NAALADL2: variants seen among roughly 807,000 people sequenced by gnomAD.
NAALADL2 encodes inactive N-acetylated-alpha-linked acidic dipeptidase-like protein 2.
NAALADL2 carries 76 observed loss-of-function variants against 87.2 expected under a neutral mutation model. The ratio of observed to expected loss-of-function variants is 0.87; its 90% CI spans 0.72 to 1.05. The LOEUF is 1.05. NAALADL2 is among the 50% of genes least tolerant of loss of function. NAALADL2 has a pLI of 0.00. For synonymous variants in NAALADL2, 354 were observed against 331.0 expected, an observed-to-expected ratio of 1.07 and a Z score of -0.75; for missense variants, 1,089 against 945.8, an observed-to-expected ratio of 1.15 and a Z score of -1.99.
chr3:174,671,159 T>C (rs1472732612), intron 2 of NAALADL2, among the ~76,000 whole-genome samples: 1 of 152,108 alleles, frequency 6.6e-6, no homozygotes, highest in East Asian at 1.9e-4. Flanking sequence ...CTTTATAAAT[T>C]ACCCAGTCTC....
At chr3:175,294,830 T>C (rs939477796) in intron 4 of NAALADL2, among the ~76,000 whole-genome samples, 2 of 152,120 alleles carry the variant, frequency 1.3e-5, no homozygotes, top group Non-Finnish European at 2.9e-5. Flanking sequence ...GAAAAATTAT[T>C]CGGGAGAGTT....
chr3:175,609,875 T>C (rs1164321395), intron 10 of NAALADL2, among the ~76,000 whole-genome samples: 1 of 152,130 alleles, frequency 6.6e-6, no homozygotes, highest in South Asian at 2.1e-4. Context: ...AGTGGCACTA[T>C]GGTGACTAGA....
At chr3:175,009,078 CT>C (rs1193572520) in intron 1 of NAALADL2, among the ~76,000 whole-genome samples, 2 of 152,118 alleles carry the variant, frequency 1.3e-5, no homozygotes, top group African/African-American at 4.8e-5. Flanking sequence ...TAGTTTTAAA[CT>C]TTGGCTGTTT....
At chr3:174,664,675 A>G (rs775484919) in intron 2 of NAALADL2, among the ~76,000 whole-genome samples, 3 of 151,912 alleles carry the variant, frequency 2.0e-5, no homozygotes, top group Non-Finnish European at 4.4e-5. Context: ...TAATGGTCTG[A>G]ACATTTAGTT....
At chr3:174,672,949 C>T (rs908014431) in intron 2 of NAALADL2, among the ~76,000 whole-genome samples, 1 of 151,596 alleles carries the variant, frequency 6.6e-6, no homozygotes, top group African/African-American at 2.4e-5. Flanking sequence ...GGGAAACTGT[C>T]GTGGGGTTGT....
At chr3:175,428,453 G>A (rs1717192998) in intron 5 of NAALADL2, among the ~76,000 whole-genome samples, 1 of 152,028 alleles carries the variant, frequency 6.6e-6, no homozygotes, top group Non-Finnish European at 1.5e-5. Flanking sequence ...CATTTTTTCA[G>A]CTTAGGTGAG....
At chr3:175,730,383 A>C (rs2150060697) in intron 11 of NAALADL2, among the ~76,000 whole-genome samples, 1 of 119,766 alleles carries the variant, frequency 8.3e-6, no homozygotes, top group South Asian at 2.9e-4. Flanking sequence ...TATTTTCAGA[A>C]AACTTAATAC....
At chr3:174,982,876 C>A (rs1478694228) in intron 1 of NAALADL2, among the ~76,000 whole-genome samples, 1 of 152,076 alleles carries the variant, frequency 6.6e-6, no homozygotes, top group Non-Finnish European at 1.5e-5. Context: ...CCGCTCACTG[C>A]AAGCTCCGCC....
intron 3 of NAALADL2, among the ~76,000 whole-genome samples, chr3:174,829,055 T>C (rs1449568621): frequency 1.3e-5 from 2 of 152,224 alleles, no homozygotes; most frequent in African/African-American, 2.4e-5. Flanking sequence ...TGAACTATTA[T>C]CTCAATCATA....
At chr3:175,263,491 A>G (rs1237032432) in intron 4 of NAALADL2, among the ~76,000 whole-genome samples, 2 of 151,930 alleles carry the variant, frequency 1.3e-5, no homozygotes, top group Non-Finnish European at 2.9e-5. Context: ...TGTTTTGCCT[A>G]CATGAAAATA....
chr3:175,342,183 CTT>C (rs1015296064), intron 5 of NAALADL2, among the ~76,000 whole-genome samples: 8 of 151,898 alleles, frequency 5.3e-5, no homozygotes, highest in African/African-American at 1.9e-4. Flanking sequence ...TTTTAAAAGT[CTT>C]TGATGAAATG....
At position 174,831,492 on chromosome 3, in the gene NAALADL2, C is replaced by G. The variant is rs1326144785; in HGVS notation, c.-9+93746C>G. Among the ~76,000 whole-genome samples the G allele has an allele frequency of 3.5e-5, 5 of 142,730 alleles. No individual in the cohort carries two copies. In the East Asian group the frequency reaches 9.9e-4, roughly 28 times the overall value. 93.6% of individuals were successfully genotyped at this position (142,730 alleles called of 152,430 possible). A position where few individuals can be genotyped will look rare whatever the true frequency, so the allele number is the denominator to read the frequency against. Reference sequence around the variant, plus strand: ...CATGGTGGATAAGCTTTTTGATGTGCTGCTGGATTCGTTTTGCCAGTATTT... The same window carrying G: ...CATGGTGGATAAGCTTTTTGATGTGGTGCTGGATTCGTTTTGCCAGTATTT... On this transcript the variant is annotated intron_variant, in intron 3 of 3. Transcript: ENST00000434257.
intron 11 of NAALADL2, among the ~76,000 whole-genome samples, chr3:175,706,538 C>G (rs1461421666): frequency 6.6e-6 from 1 of 152,082 alleles, no homozygotes; most frequent in African/African-American, 2.4e-5. Flanking sequence ...CACAGTTAAC[C>G]ATGAGTAACA....
intron 1 of NAALADL2, among the ~76,000 whole-genome samples, chr3:174,936,016 G>A (rs540677507): frequency 4.6e-5 from 7 of 152,192 alleles, no homozygotes; most frequent in Middle Eastern, 6.8e-3. Flanking sequence ...TAGAGAAGCC[G>A]ATGTTGCATG....
intron 1 of NAALADL2, among the ~76,000 whole-genome samples, chr3:175,026,891 A>G (rs1325690055): frequency 6.6e-6 from 1 of 152,102 alleles, no homozygotes; most frequent in Non-Finnish European, 1.5e-5. Flanking sequence ...TGAAACCTTA[A>G]CTGCATACCG....
At chr3:174,673,657 G>T (rs557058857) in intron 2 of NAALADL2, among the ~76,000 whole-genome samples, 2 of 133,866 alleles carry the variant, frequency 1.5e-5, no homozygotes, top group Admixed American at 7.7e-5. Flanking sequence ...GTGTGTTCGG[G>T]GGGTGAGAGG....
At chr3:174,698,055 C>T (rs991919346) in intron 2 of NAALADL2, among the ~76,000 whole-genome samples, 19 of 152,144 alleles carry the variant, frequency 1.2e-4, no homozygotes, top group Non-Finnish European at 2.1e-4. Flanking sequence ...CCTGCCACTG[C>T]ACTCCAGCCT....
chr3:174,661,966 G>T (rs1181731351), intron 2 of NAALADL2, among the ~76,000 whole-genome samples: 1 of 152,102 alleles, frequency 6.6e-6, no homozygotes, highest in Non-Finnish European at 1.5e-5. Context: ...TTTCATGATG[G>T]TATTTGCACT....
intron 2 of NAALADL2, among the ~76,000 whole-genome samples, chr3:174,666,521 A>G (rs1362066063): frequency 6.6e-6 from 1 of 152,164 alleles, no homozygotes. Context: ...TTCGATTATC[A>G]CTACATAATT....
Sources: gnomAD v4.1 joint callset for allele counts (sites outside exome capture counted in the v4.1 genomes callset) on GRCh38, gnomAD v4.1.1 for gene constraint, MANE v1.5 for transcripts, NCBI Gene and HGNC (gene_info 2026-07-23, HGNC 2026-07-21) for gene names.